Variants in HLCS observed in about 807,000 individuals in gnomAD.
HLCS encodes the protein biotin--protein ligase.
A neutral mutation model predicts 75.0 loss-of-function variants in HLCS; 53 were observed. That is an observed-to-expected ratio of 0.71 (90% CI 0.57 to 0.89). HLCS has a LOEUF of 0.89. Ranked by LOEUF, HLCS falls within the 40% of genes least tolerant of loss-of-function variation. The probability of loss-of-function intolerance (pLI) is 0.00; values close to 1 mark genes in which losing one functional copy is unlikely to be tolerated. For missense variants in HLCS, 966 were observed against 1,074.0 expected (o/e 0.90, Z 1.41); for synonymous variants, 431 against 428.6 (o/e 1.01, Z -0.07).
chr21:36,963,310 A>G (rs12482985), intron 1 of HLCS, among the ~76,000 whole-genome samples: 92,719 of 151,980 alleles, frequency 0.61, 28,592 homozygotes, highest in East Asian at 0.75. Context: ...GGCTTTCACC[A>G]TCACCCAGAA....
chr21:36,783,803 GCACACACACACATGCACATACACA>G (rs1242402609), intron 6 of HLCS, among the ~76,000 whole-genome samples: 1 of 149,412 alleles, frequency 6.7e-6, no homozygotes, highest in Non-Finnish European at 1.5e-5. Context: ...GTGTGCACAT[GCACACACACACATGCACATACACA>G]CACACACATA....
intron 6 of HLCS, among the ~76,000 whole-genome samples, chr21:36,888,436 A>T (rs1371395876): frequency 1.7e-3 from 40 of 23,334 alleles, no homozygotes; most frequent in African/African-American, 5.8e-3. Flanking sequence ...CCCATTTAAA[A>T]AAAAAAAAAA....
intron 4 of HLCS, among the ~76,000 whole-genome samples, chr21:36,932,943 C>A (rs937045498): frequency 4.6e-5 from 7 of 152,110 alleles, no homozygotes; most frequent in Non-Finnish European, 8.8e-5. Flanking sequence ...CATGGTGAAA[C>A]CCCACTGCCA....
intron 4 of HLCS, among the ~76,000 whole-genome samples, chr21:36,935,566 TC>T (rs927043699): frequency 8.5e-5 from 13 of 152,302 alleles, no homozygotes; most frequent in African/African-American, 3.1e-4. Flanking sequence ...ATTACACTTA[TC>T]TTGGGAACTC....
intron 6 of HLCS, among the ~76,000 whole-genome samples, chr21:36,844,293 T>C (rs1466574042): frequency 6.6e-6 from 1 of 152,048 alleles, no homozygotes; most frequent in Admixed American, 6.6e-5. Context: ...AGCTCGTCAA[T>C]TGTAATAAAT....
chr21:36,782,025 C>T (rs2060550386), intron 6 of HLCS, among the ~76,000 whole-genome samples: 1 of 150,832 alleles, frequency 6.6e-6, no homozygotes, highest in Admixed American at 6.6e-5. Context: ...TCTTGCATTC[C>T]TAGAAAAAAA....
intron 6 of HLCS, among the ~76,000 whole-genome samples, chr21:36,851,245 C>G (rs1312148059): frequency 6.6e-6 from 1 of 152,178 alleles, no homozygotes; most frequent in Non-Finnish European, 1.5e-5. Context: ...TTATTGCAGC[C>G]TATTCACAGT....
intron 6 of HLCS, among the ~76,000 whole-genome samples, chr21:36,859,317 G>A (rs1312687558): frequency 6.6e-6 from 1 of 152,232 alleles, no homozygotes; most frequent in African/African-American, 2.4e-5. Flanking sequence ...CACCATGCCT[G>A]GCCAGCTTGG....
chr21:36,925,090 G>GA (rs1330828025), intron 5 of HLCS, among the ~76,000 whole-genome samples: 1 of 152,110 alleles, frequency 6.6e-6, no homozygotes, highest in South Asian at 2.1e-4. Context: ...TTTATGGGGG[G>GA]AAAAAGTTTC....
At chr21:36,979,812 T>G (rs976016820) in intron 1 of HLCS, among the ~76,000 whole-genome samples, 1 of 151,674 alleles carries the variant, frequency 6.6e-6, no homozygotes, top group African/African-American at 2.4e-5. Flanking sequence ...ATCCTAACAC[T>G]TTGGGAGGCA....
chr21:36,989,718 C>T (rs1263938503), intron 1 of HLCS, among the ~76,000 whole-genome samples: 1 of 152,188 alleles, frequency 6.6e-6, no homozygotes, highest in Non-Finnish European at 1.5e-5. Context: ...TCCCCACACG[C>T]AGGTCCTAGT....
intron 6 of HLCS, among the ~76,000 whole-genome samples, chr21:36,799,692 C>T (rs1203034217): frequency 2.6e-5 from 4 of 152,120 alleles, no homozygotes; most frequent in African/African-American, 4.8e-5. Context: ...CCTGTGTTAA[C>T]GAAGTGCTGG....
chr21:36,844,651 T>C (rs1328715592), intron 6 of HLCS, among the ~76,000 whole-genome samples: 2 of 152,032 alleles, frequency 1.3e-5, no homozygotes, highest in Non-Finnish European at 2.9e-5. Context: ...CAGTGATTTA[T>C]ACAGACATGA....
intron 6 of HLCS, among the ~76,000 whole-genome samples, chr21:36,802,785 T>G (rs1196262763): frequency 6.6e-6 from 1 of 152,070 alleles, no homozygotes; most frequent in African/African-American, 2.4e-5. Context: ...TGTAGTTCCA[T>G]AAAAAAGGCA....
chr21:36,827,290 C>T (rs764761329), intron 6 of HLCS, among the ~76,000 whole-genome samples: 5 of 152,104 alleles, frequency 3.3e-5, no homozygotes, highest in African/African-American at 2.4e-5. Flanking sequence ...GAGCTGAGGC[C>T]GGGCACGGTG....
chr21:36,803,661 T>C (rs1191140705), intron 6 of HLCS, among the ~76,000 whole-genome samples: 1 of 152,152 alleles, frequency 6.6e-6, no homozygotes, highest in Non-Finnish European at 1.5e-5. Flanking sequence ...CATTTCCATG[T>C]TTCCAAAGCA....
chr21:36,784,178 A>G (rs2060619203), intron 6 of HLCS, among the ~76,000 whole-genome samples: 1 of 152,124 alleles, frequency 6.6e-6, no homozygotes, highest in African/African-American at 2.4e-5. Flanking sequence ...TGGAAGCTAC[A>G]CCGCAGAAGT....
At chr21:36,873,870 A>C (rs1021927655) in intron 6 of HLCS, among the ~76,000 whole-genome samples, 2 of 152,222 alleles carry the variant, frequency 1.3e-5, no homozygotes, top group African/African-American at 2.4e-5. Context: ...CAAAATGCTG[A>C]GATTACAGGA....
intron 6 of HLCS, among the ~76,000 whole-genome samples, chr21:36,806,534 A>T (rs2061365621): frequency 6.6e-6 from 1 of 152,176 alleles, no homozygotes; most frequent in African/African-American, 2.4e-5. Context: ...GCACAGCAAA[A>T]AAGTGGTTGC....
Sources: gnomAD v4.1 joint callset for allele counts (sites outside exome capture counted in the v4.1 genomes callset) on GRCh38, gnomAD v4.1.1 for gene constraint, MANE v1.5 for transcripts, NCBI Gene and HGNC (gene_info 2026-07-23, HGNC 2026-07-21) for gene names.